Variants in RC3H1 observed in about 807,000 individuals in gnomAD.
RC3H1 encodes the protein ring finger and CCCH-type domains 1, also known as roquin-1.
A neutral mutation model predicts 138.2 loss-of-function variants in RC3H1; 50 were observed. The ratio of observed to expected loss-of-function variants is 0.36; its 90% CI spans 0.29 to 0.46. RC3H1 has a LOEUF of 0.46. Among genes scored for constraint, RC3H1 ranks in the 20% least tolerant of loss-of-function variants. The probability of loss-of-function intolerance (pLI) is 1.00; values close to 1 mark genes in which losing one functional copy is unlikely to be tolerated. For synonymous variants in RC3H1, 462 were observed against 489.1 expected (o/e 0.94, Z 0.73); for missense variants, 1,031 against 1,388.1 (o/e 0.74, Z 4.09).
At chr1:173,966,237 A>C (rs1001035881) in intron 9 of RC3H1, among the ~76,000 whole-genome samples, 1 of 152,238 alleles carries the variant, frequency 6.6e-6, no homozygotes, top group Non-Finnish European at 1.5e-5. Context: ...AGTTATTTTA[A>C]AAGTAGGTTA....
At chr1:173,993,735 C>A (rs1203947039) in intron 1 of RC3H1, among the ~76,000 whole-genome samples, 1 of 149,500 alleles carries the variant, frequency 6.7e-6, no homozygotes, top group Non-Finnish European at 1.5e-5. Context: ...AAAAAATAAT[C>A]TTGGCTGGGT....
Position 173,970,581 on chromosome 1 carries a change from G to A in RC3H1, c.1258C>T (p.Arg420Ter). ...CATCCTCCTCTCTGCTTCATATCTCGACACATGTATGTTTTGTATTTGCTA... is the reference window on the plus strand; with the variant it reads ...CATCCTCCTCTCTGCTTCATATCTCAACACATGTATGTTTTGTATTTGCTA... ...QHSKYKTYMC[R>*]DMKQRGGCPR... Residue 420 changes from arginine (R) to a stop codon, truncating the protein, a stop_gained, in exon 9 of 20, where the codon CGA (arginine) becomes TGA (stop). Transcript: ENST00000367696. LOFTEE classifies it high-confidence loss of function. The A allele has an allele frequency of 1.2e-6, 2 of 1,613,724 alleles. No homozygotes were observed. Among genetic ancestry groups the A allele is most frequent in the Non-Finnish European group, 1.7e-6 (2 of 1,179,882 alleles).
intron 1 of RC3H1, among the ~76,000 whole-genome samples, chr1:173,996,620 TAA>T (rs1229897120): frequency 2.6e-5 from 4 of 152,162 alleles, no homozygotes; most frequent in African/African-American, 7.2e-5. Flanking sequence ...GTTACCATGC[TAA>T]AGTCTCCATC....
chr1:174,021,951 TG>T (rs1006900307), intron 1 of RC3H1, 144 bp downstream of exon 1: 1 of 377,248 alleles, frequency 2.7e-6, no homozygotes, highest in African/African-American at 2.1e-5. Flanking sequence ...CTGAGGAGCC[TG>T]GGGCCGGCCG....
At chr1:173,954,036 C>T (rs1033083517) in intron 13 of RC3H1, among the ~76,000 whole-genome samples, 1 of 152,010 alleles carries the variant, frequency 6.6e-6, no homozygotes, top group African/African-American at 2.4e-5. Flanking sequence ...GAGACTCCAT[C>T]TCAAATAATA....
rs1173129370 is a variant in RC3H1 at position 173,934,789 on chromosome 1, T to C, written c.*3932A>G. The C allele has an allele frequency of 6.6e-6, 1 of 151,594 alleles. No individual in the cohort carries two copies. Among genetic ancestry groups the C allele is most frequent in the Non-Finnish European group, 1.5e-5 (1 of 67,902 alleles). The allele number at this position is 151,594 out of a possible 1,614,324, so 9.4% of individuals were successfully genotyped here. A position where few individuals can be genotyped will look rare whatever the true frequency, so the allele number is the denominator to read the frequency against. On this transcript the variant is annotated 3_prime_UTR_variant, in exon 20 of 20. Transcript: ENST00000367696. ...CAGATTGGGGAGGGCAGTGGGTAAG[T>C]CAAGGGGAAATTACAGGGTGGAAAA...
intron 14 of RC3H1, among the ~76,000 whole-genome samples, chr1:173,949,729 A>C (rs1188607842): frequency 1.3e-5 from 2 of 152,248 alleles, no homozygotes; most frequent in African/African-American, 4.8e-5. Flanking sequence ...GAATGTTTGA[A>C]GAATGTTTGT....
At chr1:173,979,041 GTTAA>G (rs1045337069) in intron 6 of RC3H1, among the ~76,000 whole-genome samples, 3 of 152,126 alleles carry the variant, frequency 2.0e-5, no homozygotes, top group African/African-American at 7.2e-5. Context: ...TTAAATTTAA[GTTAA>G]TTAAATGAAA....
rs1236947755 is a variant in RC3H1 at position 173,936,585 on chromosome 1, AATGAAAAATCTTGGGACT to A, written c.*2118_*2135del. 6.7e-6 allele frequency: 1 copy of A among 149,430 alleles called. No homozygotes were observed. Among genetic ancestry groups the A allele is most frequent in the African/African-American group, 2.4e-5 (1 of 40,986 alleles). The allele number at this position is 149,430 out of a possible 1,614,324, so 9.3% of individuals were successfully genotyped here. A position where few individuals can be genotyped will look rare whatever the true frequency, so the allele number is the denominator to read the frequency against. On this transcript the variant is annotated 3_prime_UTR_variant, in exon 20 of 20. Transcript: ENST00000367696. ...GTTGCCTTTTACTGTTATGCAGAGA[AATGAAAAATCTTGGGACT>A]CTGTCAGACATACAAAAGTTTCTTT...
At chr1:173,947,266 C>T (rs988934465) in intron 15 of RC3H1, 103 bp downstream of exon 15, 7 of 780,396 alleles carry the variant, frequency 9.0e-6, no homozygotes, top group African/African-American at 8.6e-5. Context: ...AAATTACTGC[C>T]TTGCAAGATT....
Position 173,961,890 on chromosome 1 carries a change from C to T in RC3H1, c.2037G>A (p.Pro679=), listed in dbSNP as rs117418796. ...HYDGRRVYPA[P]SYTREEIFRE... is the part of the protein sequence containing the mutation. Reference sequence around the variant, plus strand: ...GGAATATCTCTTCTCTTGTGTAAGACGGAGCAGGGTACACTCGACGGCCAT... The same window carrying T: ...GGAATATCTCTTCTCTTGTGTAAGATGGAGCAGGGTACACTCGACGGCCAT... The change falls in exon 12 of 20, where the codon CCG becomes CCA. Residue 679 remains proline (P), a synonymous_variant. Coordinates refer to ENST00000367696, the MANE Select transcript of RC3H1 (RefSeq NM_172071.4). 8.1e-5 allele frequency: 131 copies of T among 1,614,034 alleles called. No individual in the cohort carries two copies. The African/African-American group carries it at 1.1e-3, about 14-fold the overall frequency.
At chr1:173,981,899 CA>C (rs923370957) in intron 5 of RC3H1, among the ~76,000 whole-genome samples, 26 of 134,014 alleles carry the variant, frequency 1.9e-4, no homozygotes, top group Admixed American at 9.6e-4. Flanking sequence ...GACTGCATCT[CA>C]AAAAAAAAAG....
rs550239169 is a variant in RC3H1, at chr1:173,931,538, G to T, written c.*7183C>A. ...ACAAGTGGGAACATGTACTTATTTA[G>T]ACCCAGAGTTCTGCTGCCCTAAACA... On this transcript the variant is annotated 3_prime_UTR_variant, in exon 20 of 20. Coordinates refer to ENST00000367696, the MANE Select transcript of RC3H1 (RefSeq NM_172071.4). The T allele has an allele frequency of 6.6e-6, 1 of 151,438 alleles. No homozygotes were observed. Among genetic ancestry groups the T allele is most frequent in the African/African-American group, 2.5e-5 (1 of 40,814 alleles). 9.4% of individuals were successfully genotyped at this position (151,438 alleles called of 1,614,324 possible).
intron 13 of RC3H1, among the ~76,000 whole-genome samples, chr1:173,959,578 T>A (rs1397885954): frequency 2.6e-5 from 4 of 151,312 alleles, no homozygotes; most frequent in Admixed American, 6.6e-5. Flanking sequence ...CAAGACCATC[T>A]TGGCCAACAT....
intron 1 of RC3H1, among the ~76,000 whole-genome samples, chr1:174,003,427 G>A (rs962395756): frequency 2.1e-5 from 3 of 144,288 alleles, no homozygotes; most frequent in African/African-American, 2.6e-5. Flanking sequence ...ACACGTACGG[G>A]GAATCATCCT....
intron 7 of RC3H1, among the ~76,000 whole-genome samples, chr1:173,973,126 C>G (rs1436583064): frequency 6.6e-6 from 1 of 152,132 alleles, no homozygotes; most frequent in African/African-American, 2.4e-5. Flanking sequence ...AAATTTAGAC[C>G]ATTGCTCAGA....
At chr1:173,973,696 T>C (rs1382990428) in intron 7 of RC3H1, among the ~76,000 whole-genome samples, 3 of 151,924 alleles carry the variant, frequency 2.0e-5, no homozygotes, top group African/African-American at 7.3e-5. Context: ...ATATGTAAAA[T>C]GAAACAAGAA....
intron 2 of RC3H1, among the ~76,000 whole-genome samples, chr1:173,986,184 A>G (rs544439959): frequency 6.6e-6 from 1 of 152,090 alleles, no homozygotes; most frequent in Admixed American, 6.5e-5. Flanking sequence ...ACCACACTCG[A>G]CTAACAATTT....
At chr1:173,974,108 G>A (rs551083793) in intron 7 of RC3H1, among the ~76,000 whole-genome samples, 12 of 151,468 alleles carry the variant, frequency 7.9e-5, no homozygotes, top group Non-Finnish European at 1.2e-4. Flanking sequence ...GAGCCACTGC[G>A]CTCTACTAAA....
Sources: gnomAD v4.1 joint callset for allele counts (sites outside exome capture counted in the v4.1 genomes callset) on GRCh38, gnomAD v4.1.1 for gene constraint, MANE v1.5 for transcripts, NCBI Gene and HGNC (gene_info 2026-07-23, HGNC 2026-07-21) for gene names.